PCDHGA9: variants seen among roughly 807,000 people sequenced by gnomAD.
The protein encoded by PCDHGA9 is protocadherin gamma-A9.
In PCDHGA9, 37 loss-of-function variants were observed where a neutral mutation model predicts 62.5. That is an observed-to-expected ratio of 0.59 (90% CI 0.46 to 0.78). The LOEUF is 0.78. PCDHGA9 is among the 30% of genes least tolerant of loss of function. The probability of loss-of-function intolerance (pLI) is 0.00; values close to 1 mark genes in which losing one functional copy is unlikely to be tolerated. For missense variants in PCDHGA9, 1,138 were observed against 1,166.2 expected (o/e 0.98, Z 0.35); for synonymous variants, 459 against 484.6 (o/e 0.95, Z 0.69).
chr5:141,414,139 G>A (rs1245110230), intron 1 of PCDHGA9: 6 of 1,596,386 alleles, frequency 3.8e-6, no homozygotes, highest in African/African-American at 1.3e-5. Context: ...CTATGAAATA[G>A]AAATACAAGC....
At chr5:141,419,878 G>A in intron 1 of PCDHGA9, 2 of 1,614,060 alleles carry the variant, frequency 1.2e-6, no homozygotes, top group Non-Finnish European at 1.7e-6. Context: ...AGGTACTGCC[G>A]GATTTCAGCG....
chr5:141,489,397 G>T lies in PCDHGA9; in HGVS notation c.2425-5410G>T. ...GGTGGGGAATGTTGCTCAGGATCTG[G>T]GCTTAAAGATGACAGATCTGTTGAG... On this transcript the variant is annotated intron_variant, in intron 1 of 3. Coordinates refer to ENST00000573521, the MANE Select transcript of PCDHGA9 (RefSeq NM_018921.3). The surrounding 1 kb of genome is among the most constrained non-coding windows in gnomAD (Gnocchi z 4.5). 2 of 1,614,176 alleles carry T rather than the reference G, an allele frequency of 1.2e-6. No individual in the cohort carries two copies. Among genetic ancestry groups the T allele is most frequent in the Non-Finnish European group, 1.7e-6 (2 of 1,180,038 alleles).
chr5:141,491,513 A>C lies in PCDHGA9; in HGVS notation c.2425-3294A>C, dbSNP rs1163218369. On this transcript the variant is annotated intron_variant, in intron 1 of 3. Coordinates refer to ENST00000573521, the MANE Select transcript of PCDHGA9 (RefSeq NM_018921.3). The surrounding 1 kb of genome is among the most constrained non-coding windows in gnomAD (Gnocchi z 6.9). ...CAGGTGAGCTCGGACGGCACGCTCAAGTACATGGAGGTGACGCTGCGGCCC... is the reference window on the plus strand; with the variant it reads ...CAGGTGAGCTCGGACGGCACGCTCACGTACATGGAGGTGACGCTGCGGCCC... The C allele has an allele frequency of 6.2e-7, 1 of 1,613,934 alleles. No individual in the cohort carries two copies. Among genetic ancestry groups the C allele is most frequent in the East Asian group, 2.2e-5 (1 of 44,888 alleles).
chr5:141,501,290 TAC>T (rs55762287), intron 2 of PCDHGA9, among the ~76,000 whole-genome samples: 11,544 of 136,022 alleles, frequency 0.085, 708 homozygotes, highest in East Asian at 0.37. Context: ...TATTCCCTTA[TAC>T]ACACACACAC....
intron 1 of PCDHGA9, chr5:141,427,957 C>T: frequency 2.5e-6 from 4 of 1,588,402 alleles, no homozygotes; most frequent in South Asian, 1.1e-5. Context: ...GACAATGTGC[C>T]GCGGGTGCTG....
chr5:141,466,992 A>ATTT (rs985433044), intron 1 of PCDHGA9, among the ~76,000 whole-genome samples: 1 of 148,706 alleles, frequency 6.7e-6, no homozygotes, highest in African/African-American at 2.5e-5. Flanking sequence ...ACCTTTTGGC[A>ATTT]TTTTTTTGCA....
At chr5:141,408,623 G>C in intron 1 of PCDHGA9, 1 of 1,614,004 alleles carries the variant, frequency 6.2e-7, no homozygotes, top group Non-Finnish European at 8.5e-7. Flanking sequence ...AATACATTTA[G>C]AAATTTTCGA....
chr5:141,408,197 C>A (rs2095057098), intron 1 of PCDHGA9: 5 of 1,546,080 alleles, frequency 3.2e-6, no homozygotes, highest in Non-Finnish European at 4.4e-6. Context: ...AGAACCCGAG[C>A]GAACGATGGG....
At chr5:141,417,690 A>T in intron 1 of PCDHGA9, 1 of 1,077,126 alleles carries the variant, frequency 9.3e-7, no homozygotes, top group East Asian at 2.6e-5. Context: ...AGAAAAGAAA[A>T]CCAGCTCCCA....
rs2099411055 is a variant in PCDHGA9, at chr5:141,477,429, C to T, written c.2425-17378C>T. 6.2e-7 allele frequency: 1 copy of T among 1,614,218 alleles called. No individual in the cohort carries two copies. Among genetic ancestry groups the T allele is most frequent in the South Asian group, 1.1e-5 (1 of 91,082 alleles). ...CGAGACGCCGGAACCCCTTCCCTCT[C>T]AGCCCTTACAATAGTGCGTGTTCAA... On this transcript the variant is annotated intron_variant, in intron 1 of 3. Coordinates refer to ENST00000573521, the MANE Select transcript of PCDHGA9 (RefSeq NM_018921.3). The surrounding 1 kb of genome is among the most constrained non-coding windows in gnomAD (Gnocchi z 4.9).
At chr5:141,441,911 T>TGAG in intron 1 of PCDHGA9, 1 of 348,148 alleles carries the variant, frequency 2.9e-6, no homozygotes, top group Non-Finnish European at 5.5e-6. Context: ...GACGCAGATG[T>TGAG]GAGACACAAT....
chr5:141,415,315 G>T (rs201784236), intron 1 of PCDHGA9: 14 of 1,614,208 alleles, frequency 8.7e-6, no homozygotes, highest in African/African-American at 4.0e-5. Context: ...CTTCGTCATC[G>T]TGCTGCTGGC....
chr5:141,428,154 T>C, intron 1 of PCDHGA9: 2 of 1,578,924 alleles, frequency 1.3e-6, no homozygotes, highest in Non-Finnish European at 1.7e-6. Flanking sequence ...CACGGGAACC[T>C]GCTGGTTGCT....
chr5:141,477,220 G>A lies in PCDHGA9; in HGVS notation c.2425-17587G>A. 24 of 1,614,190 alleles carry A rather than the reference G, an allele frequency of 1.5e-5. No individual in the cohort carries two copies. The highest frequency in any genetic ancestry group is 1.9e-5 in the Non-Finnish European group (23 of 1,180,040). ...CAGTACCCGAGGATGCCCCTCTGGG[G>A]ACTGTCATCGCTTTGCTCAGTGTGA... is the stretch of plus-strand genomic sequence containing the variant. On this transcript the variant is annotated intron_variant, in intron 1 of 3. Coordinates refer to ENST00000573521, the MANE Select transcript of PCDHGA9 (RefSeq NM_018921.3). The surrounding 1 kb of genome is among the most constrained non-coding windows in gnomAD (Gnocchi z 4.9).
Position 141,486,282 on chromosome 5 carries a change from C to G in PCDHGA9, c.2425-8525C>G. On this transcript the variant is annotated intron_variant, in intron 1 of 3. Transcript: ENST00000573521. This position sits in a 1 kb window ranked among gnomAD's most constrained non-coding sequence, Gnocchi z 5.0. ...AGTGCAGAACCTGGCACTGTGGTGG[C>G]ACTTATCAGTGTGCAGGATCCAGAC... The G allele has an allele frequency of 1.2e-6, 2 of 1,614,052 alleles. No homozygotes were observed. The highest frequency in any genetic ancestry group is 1.7e-6 in the Non-Finnish European group (2 of 1,179,992).
At chr5:141,500,562 T>A (rs2099801387) in intron 2 of PCDHGA9, among the ~76,000 whole-genome samples, 1 of 152,202 alleles carries the variant, frequency 6.6e-6, no homozygotes, top group Admixed American at 6.5e-5. Flanking sequence ...CACAAACTTG[T>A]CACACTTTCA....
intron 1 of PCDHGA9, chr5:141,409,809 A>G: frequency 1.2e-6 from 2 of 1,611,542 alleles, no homozygotes; most frequent in Non-Finnish European, 1.7e-6. Context: ...CAGGCCCGCG[A>G]CCACGGCTCG....
chr5:141,419,354 C>G (rs1444462815), intron 1 of PCDHGA9: 1 of 1,613,828 alleles, frequency 6.2e-7, no homozygotes, highest in Admixed American at 1.7e-5. Flanking sequence ...CCTGGAGTCA[C>G]GAACGCTGTC....
At chr5:141,414,629 G>T in intron 1 of PCDHGA9, 1 of 1,614,000 alleles carries the variant, frequency 6.2e-7, no homozygotes. Context: ...GACCCGGACA[G>T]CAAAGAGAAT....
Sources: gnomAD v4.1 joint callset for allele counts (sites outside exome capture counted in the v4.1 genomes callset) on GRCh38, gnomAD v4.1.1 for gene constraint, Gnocchi (gnomAD v3.1) non-coding constraint, MANE v1.5 for transcripts, NCBI Gene and HGNC (gene_info 2026-07-23, HGNC 2026-07-21) for gene names.